Variants in KIF26B observed in about 807,000 individuals in gnomAD.
KIF26B encodes the protein kinesin family member 26B.
A neutral mutation model predicts 151.2 loss-of-function variants in KIF26B; 63 were observed. The ratio of observed to expected loss-of-function variants is 0.42; its 90% confidence interval spans 0.34 to 0.51. The LOEUF (loss-of-function observed/expected upper bound fraction) is 0.51. Among genes scored for constraint, KIF26B ranks in the 20% least tolerant of loss-of-function variants. The pLI, the probability that KIF26B is intolerant of heterozygous loss-of-function variation, is 0.07. For synonymous variants in KIF26B, 1,357 were observed against 1,262.1 expected, an observed-to-expected ratio of 1.08 and a Z score of -1.59; for missense variants, 2,813 against 2,913.6, an observed-to-expected ratio of 0.97 and a Z score of 0.79.
chr1:245,355,192 T>C (rs918364192), intron 2 of KIF26B, among the ~76,000 whole-genome samples: 1 of 152,152 alleles, frequency 6.6e-6, no homozygotes, highest in African/African-American at 2.4e-5. Context: ...CCCAAAGTGC[T>C]GGGATTACAG....
intron 10 of KIF26B, among the ~76,000 whole-genome samples, chr1:245,680,947 G>T (rs1036208315): frequency 2.0e-5 from 3 of 152,088 alleles, no homozygotes; most frequent in Non-Finnish European, 4.4e-5. Context: ...CTTTCTGATG[G>T]TTATTTTGCT....
chr1:245,255,283 T>C (rs1229607131), intron 2 of KIF26B, among the ~76,000 whole-genome samples: 1 of 152,212 alleles, frequency 6.6e-6, no homozygotes, highest in Non-Finnish European at 1.5e-5. Context: ...TATTGTGTTA[T>C]AGCAGCGCAA....
At chr1:245,680,064 C>T (rs2044412780) in intron 10 of KIF26B, among the ~76,000 whole-genome samples, 3 of 152,128 alleles carry the variant, frequency 2.0e-5, no homozygotes, top group Admixed American at 6.5e-5. Context: ...AGACTTGATG[C>T]AAAGAGTGGG....
chr1:245,637,851 T>C (rs1393854333), intron 9 of KIF26B, among the ~76,000 whole-genome samples: 1 of 152,012 alleles, frequency 6.6e-6, no homozygotes, highest in Non-Finnish European at 1.5e-5. Context: ...TTGTATTCCA[T>C]TGGTCTTCTA....
intron 4 of KIF26B, among the ~76,000 whole-genome samples, chr1:245,504,698 C>A (rs1446981757): frequency 6.6e-6 from 1 of 152,034 alleles, no homozygotes; most frequent in Non-Finnish European, 1.5e-5. Flanking sequence ...TCTTGGCCTC[C>A]TGAAGTGCTG....
chr1:245,511,595 T>G (rs1371987109), intron 4 of KIF26B, among the ~76,000 whole-genome samples: 1 of 152,192 alleles, frequency 6.6e-6, no homozygotes, highest in African/African-American at 2.4e-5. Flanking sequence ...TTTGTTTGTT[T>G]GTTTGTTTGT....
intron 5 of KIF26B, among the ~76,000 whole-genome samples, chr1:245,587,478 A>G (rs2043240548): frequency 6.6e-6 from 1 of 152,188 alleles, no homozygotes; most frequent in South Asian, 2.1e-4. Flanking sequence ...CTTATCTTCT[A>G]GACTCATTTG....
rs533429752 is a variant in KIF26B, at chr1:245,364,565, C to T, written c.466-2269C>T. 1.1e-4 allele frequency among the ~76,000 whole-genome samples: 17 copies of T among 151,742 alleles called. No homozygotes were observed. The East Asian group carries it at 1.2e-3, about 10-fold the overall frequency. On this transcript the variant is annotated intron_variant, in intron 2 of 14. Coordinates refer to ENST00000407071, the MANE Select transcript of KIF26B (RefSeq NM_018012.4). ...CCTGCTGAATTGCTGGGACTACAGG[C>T]GCCCGCCACCACGCCCAGCTAATTT... is the stretch of plus-strand genomic sequence containing the variant.
rs551075505 is a variant in KIF26B at position 245,572,352 on chromosome 1, A to G, written c.1351-30225A>G. Among the ~76,000 whole-genome samples, 7 of 152,122 alleles carry G rather than the reference A, an allele frequency of 4.6e-5. No homozygotes were observed. The highest frequency in any genetic ancestry group is 1.3e-4 in the Admixed American group (2 of 15,266). ...AGGACATTGAGGTTCTGGGGGATTC[A>G]TCACTTAGCTCCCAACTCTTATTGG... On this transcript the variant is annotated intron_variant, in intron 5 of 14. Coordinates refer to ENST00000407071, the MANE Select transcript of KIF26B (RefSeq NM_018012.4). This position sits in a 1 kb window ranked among gnomAD's most constrained non-coding sequence, Gnocchi z 4.2.
Position 245,520,114 on chromosome 1 carries a change from T to TGAGAGAGAGAGAGAGAGAGAGA in KIF26B, c.1167-20641_1167-20620dup, listed in dbSNP as rs10650644. ...AACTAAAATTAAATACTCAACTAAC[T>TGAGAGAGAGAGAGAGAGAGAGA]GAGAGAGAGAGAGAGAGAGAGAGAG... On this transcript the variant is annotated intron_variant, in intron 4 of 14. Coordinates refer to ENST00000407071, the MANE Select transcript of KIF26B (RefSeq NM_018012.4). Among the ~76,000 whole-genome samples the TGAGAGAGAGAGAGAGAGAGAGA allele has an allele frequency of 2.2e-4, 29 of 132,518 alleles. No individual in the cohort carries two copies. The East Asian group carries it at 2.2e-3, about 10-fold the overall frequency. The allele number at this position is 132,518 out of a possible 152,430, so 86.9% of individuals were successfully genotyped here. A position where few individuals can be genotyped will look rare whatever the true frequency, so the allele number is the denominator to read the frequency against.
chr1:245,220,111 C>A (rs1050379803), intron 2 of KIF26B, among the ~76,000 whole-genome samples: 1 of 152,160 alleles, frequency 6.6e-6, no homozygotes, highest in Non-Finnish European at 1.5e-5. Context: ...TCTCTCCGCA[C>A]CATGTTCCAG....
intron 4 of KIF26B, among the ~76,000 whole-genome samples, chr1:245,500,561 T>A (rs945964214): frequency 6.6e-6 from 1 of 152,258 alleles, no homozygotes; most frequent in Non-Finnish European, 1.5e-5. Context: ...GCTCGGTGCC[T>A]GAAGCAAATT....
intron 4 of KIF26B, among the ~76,000 whole-genome samples, chr1:245,464,392 T>G (rs1470387039): frequency 6.7e-6 from 1 of 150,052 alleles, no homozygotes; most frequent in Non-Finnish European, 1.5e-5. Flanking sequence ...GGTGTGTGTG[T>G]GTGGGTGTGT....
At chr1:245,345,442 C>G (rs1421043190) in intron 2 of KIF26B, among the ~76,000 whole-genome samples, 1 of 152,206 alleles carries the variant, frequency 6.6e-6, no homozygotes, top group Non-Finnish European at 1.5e-5. Flanking sequence ...CCGCACCTCT[C>G]TCCTACTCAC....
chr1:245,534,780 CCTTTT>C (rs1661452533), intron 4 of KIF26B, among the ~76,000 whole-genome samples: 1 of 141,626 alleles, frequency 7.1e-6, no homozygotes, highest in African/African-American at 2.7e-5. Flanking sequence ...AATGTCTTTA[CCTTTT>C]CTTTTTTTTT....
At chr1:245,350,479 T>C (rs1236249653) in intron 2 of KIF26B, among the ~76,000 whole-genome samples, 1 of 152,086 alleles carries the variant, frequency 6.6e-6, no homozygotes, top group Non-Finnish European at 1.5e-5. Flanking sequence ...TCCAGTCTCA[T>C]CCCAGTGCAA....
chr1:245,538,586 C>T (rs76619495), intron 4 of KIF26B, among the ~76,000 whole-genome samples: 2,626 of 152,076 alleles, frequency 0.017, 96 homozygotes, highest in African/African-American at 0.061. Context: ...GGCTACTGCC[C>T]GTTCTAAGCT....
At chr1:245,214,762 C>T (rs901318124) in intron 2 of KIF26B, among the ~76,000 whole-genome samples, 1 of 151,998 alleles carries the variant, frequency 6.6e-6, no homozygotes, top group Non-Finnish European at 1.5e-5. Flanking sequence ...ATCGCTTGAA[C>T]CCAGGAGGTG....
Position 245,166,833 on chromosome 1 carries a change from A to ACAT in KIF26B, c.465+10153_465+10155dup, listed in dbSNP as rs1668622918. 6.6e-6 allele frequency among the ~76,000 whole-genome samples: 1 copy of ACAT among 152,308 alleles called. No homozygotes were observed. The highest frequency in any genetic ancestry group is 2.4e-5 in the African/African-American group (1 of 41,572). The stretch of plus-strand genomic sequence containing the variant: ...CCACCAAGCAGGATATCCTGCACAT[A>ACAT]CATCAGCTCTCAGGGCTGGAGGTGA... On this transcript the variant is annotated intron_variant, in intron 2 of 14. Coordinates refer to ENST00000407071, the MANE Select transcript of KIF26B (RefSeq NM_018012.4). The surrounding 1 kb of genome is among the most constrained non-coding windows in gnomAD (Gnocchi z 4.5).
Sources: gnomAD v4.1 joint callset for allele counts (sites outside exome capture counted in the v4.1 genomes callset) on GRCh38, gnomAD v4.1.1 for gene constraint, Gnocchi (gnomAD v3.1) non-coding constraint, MANE v1.5 for transcripts, NCBI Gene and HGNC (gene_info 2026-07-23, HGNC 2026-07-21) for gene names.